The following PTDSS2 variants were observed in gnomAD, a reference collection of about 807,000 sequenced individuals.
The protein encoded by PTDSS2 is phosphatidylserine synthase 2.
Under a neutral mutation model 64.7 loss-of-function variants are expected in PTDSS2, and 41 were observed. The ratio of observed to expected loss-of-function variants is 0.63; its 90% CI spans 0.49 to 0.82. PTDSS2 has a LOEUF of 0.82. Ranked by LOEUF, PTDSS2 falls within the 40% of genes least tolerant of loss-of-function variation. The pLI is 0.00. For missense variants in PTDSS2, 485 were observed against 650.0 expected (o/e 0.75, Z 2.76); for synonymous variants, 297 against 277.8 (o/e 1.07, Z -0.69).
intron 4 of PTDSS2, among the ~76,000 whole-genome samples, chr11:483,675 A>G (rs995651345): frequency 6.6e-6 from 1 of 152,196 alleles, no homozygotes; most frequent in Non-Finnish European, 1.5e-5. Context: ...GCTGGGTCCC[A>G]GGGTGTGCCT....
chr11:478,357 G>A (rs1420522304), intron 3 of PTDSS2, among the ~76,000 whole-genome samples: 2 of 152,016 alleles, frequency 1.3e-5, no homozygotes, highest in Admixed American at 6.6e-5. Flanking sequence ...TACTCAGGAG[G>A]CTCAGGTAGG....
intron 7 of PTDSS2, 98 bp downstream of exon 7, chr11:488,410 C>T: frequency 7.5e-7 from 1 of 1,331,820 alleles, no homozygotes; most frequent in South Asian, 1.2e-5. Context: ...CTCATTCTCC[C>T]CGGGGGGCAG....
chr11:474,591 A>G (rs935884097), intron 3 of PTDSS2, among the ~76,000 whole-genome samples: 4 of 152,188 alleles, frequency 2.6e-5, no homozygotes, highest in African/African-American at 9.7e-5. Context: ...AGTTCTAACA[A>G]ACCCTCGTGG....
intron 1 of PTDSS2, among the ~76,000 whole-genome samples, chr11:450,952 C>T (rs1341987943): frequency 6.6e-6 from 1 of 151,518 alleles, no homozygotes; most frequent in Non-Finnish European, 1.5e-5. Flanking sequence ...CGCGGTTCTG[C>T]GATCCAGACC....
chr11:456,623 C>T (rs989917541), intron 1 of PTDSS2, among the ~76,000 whole-genome samples: 3 of 152,206 alleles, frequency 2.0e-5, no homozygotes, highest in Non-Finnish European at 4.4e-5. Context: ...CTGAGCCCAG[C>T]CCGTTTCCCC....
chr11:450,839 G>A (rs1846286336), intron 1 of PTDSS2, among the ~76,000 whole-genome samples: 1 of 152,242 alleles, frequency 6.6e-6, no homozygotes, highest in East Asian at 1.9e-4. Flanking sequence ...GTCGGGCGGA[G>A]GGCGGCGCTG....
Position 490,803 on chromosome 11 carries a change from TGTGTACGCGC to T in PTDSS2, c.*226_*235del, listed in dbSNP as rs1848649491. On this transcript the variant is annotated 3_prime_UTR_variant, in exon 12 of 12. Transcript: ENST00000308020. ...ACGTGTGTATGCGTGTGTGTACGCG[TGTGTACGCGC>T]GTGTGTACACATGCGTGGCCGCCTG... 6 of 577,576 alleles carry T rather than the reference TGTGTACGCGC, an allele frequency of 1.0e-5. No homozygotes were observed. The highest frequency in any genetic ancestry group is 1.8e-5 in the Non-Finnish European group (6 of 327,616). 35.8% of individuals were successfully genotyped at this position (577,576 alleles called of 1,614,324 possible). A position where few individuals can be genotyped will look rare whatever the true frequency, so the allele number is the denominator to read the frequency against.
rs549550497 is a variant in PTDSS2, at chr11:482,089, G to A, written c.435+2937G>A. On this transcript the variant is annotated intron_variant, in intron 4 of 11. Coordinates refer to ENST00000308020, the MANE Select transcript of PTDSS2 (RefSeq NM_030783.3). ...TTGAACTCCTGACCTCAGGTGATCC[G>A]CCCACCTTGGCCTCCCAAAGTGCTG... is the stretch of plus-strand genomic sequence containing the variant. 3.0e-3 allele frequency among the ~76,000 whole-genome samples: 456 copies of A among 151,844 alleles called. 2 individuals carry two copies. The highest frequency in any genetic ancestry group is 3.8e-3 in the Non-Finnish European group (259 of 67,944).
At chr11:452,307 G>A (rs1381531182) in intron 1 of PTDSS2, among the ~76,000 whole-genome samples, 1 of 152,270 alleles carries the variant, frequency 6.6e-6, no homozygotes, top group Non-Finnish European at 1.5e-5. Context: ...CTTAGATTCT[G>A]GTGCAGGCAT....
chr11:487,514 G>A (rs2133839191), intron 6 of PTDSS2, 44 bp downstream of exon 6: 3 of 1,571,488 alleles, frequency 1.9e-6, no homozygotes, highest in East Asian at 4.5e-5. Context: ...CGGTTCTGAG[G>A]CCTGCCGTGG....
At chr11:487,807 C>G (rs1039670087) in intron 6 of PTDSS2, among the ~76,000 whole-genome samples, 1 of 152,238 alleles carries the variant, frequency 6.6e-6, no homozygotes. Flanking sequence ...CTGCTTGACC[C>G]TGCAGCCCAC....
At chr11:464,596 C>T (rs1847058118) in intron 2 of PTDSS2, among the ~76,000 whole-genome samples, 2 of 152,360 alleles carry the variant, frequency 1.3e-5, no homozygotes, top group South Asian at 4.1e-4. Flanking sequence ...TCCGGCCTGG[C>T]CTCTCCCGCT....
In PTDSS2 at chr11:479,048, A is replaced by G. The variant is rs770575668; in HGVS notation, c.368-37A>G. The stretch of plus-strand genomic sequence containing the variant: ...GCTGAGCGGGGCCGTGGAGGCCTGG[A>G]CCGGGCGCACTAACGTTCTGTCGTC... On this transcript the variant is annotated intron_variant, in intron 3 of 11. Transcript: ENST00000308020. The surrounding 1 kb of genome is among the most constrained non-coding windows in gnomAD (Gnocchi z 4.2). 1 of 1,593,108 alleles carries G rather than the reference A, an allele frequency of 6.3e-7. No individual in the cohort carries two copies. Among genetic ancestry groups the G allele is most frequent in the East Asian group, 2.2e-5 (1 of 44,770 alleles).
In PTDSS2 at chr11:479,416, T is replaced by C; in HGVS notation, c.435+264T>C. 1 of 559,100 alleles carries C rather than the reference T, an allele frequency of 1.8e-6. No homozygotes were observed. Among genetic ancestry groups the C allele is most frequent in the Admixed American group, 3.1e-5 (1 of 32,578 alleles). The allele number at this position is 559,100 out of a possible 1,614,324, so 34.6% of individuals were successfully genotyped here. On this transcript the variant is annotated intron_variant, in intron 4 of 11. Coordinates refer to ENST00000308020, the MANE Select transcript of PTDSS2 (RefSeq NM_030783.3). This position sits in a 1 kb window ranked among gnomAD's most constrained non-coding sequence, Gnocchi z 4.2. ...GAGCATCTGCTGGTGGGGCGCTGAC[T>C]GTGGCCATTTAGCAGGGCCACACTT... is the stretch of plus-strand genomic sequence containing the variant.
At chr11:467,708 G>A (rs963715164) in intron 2 of PTDSS2, among the ~76,000 whole-genome samples, 4 of 152,132 alleles carry the variant, frequency 2.6e-5, no homozygotes, top group African/African-American at 4.8e-5. Flanking sequence ...ACTCCAGCCC[G>A]GGCAACAGTG....
Position 479,985 on chromosome 11 carries a change from C to T in PTDSS2, c.435+833C>T, listed in dbSNP as rs1335771629. On this transcript the variant is annotated intron_variant, in intron 4 of 11. Transcript: ENST00000308020. The surrounding 1 kb of genome is among the most constrained non-coding windows in gnomAD (Gnocchi z 4.2). ...GCAGTGTACATTCTGTGAATTTTAG[C>T]ATTTGTGTAGACTTCTAGAAACACA... 6.6e-6 allele frequency: 1 copy of T among 152,334 alleles called. No homozygotes were observed. Among genetic ancestry groups the T allele is most frequent in the East Asian group, 1.9e-4 (1 of 5,202 alleles). 9.4% of individuals were successfully genotyped at this position (152,334 alleles called of 1,614,324 possible).
chr11:450,147 G>A (rs149048307), upstream of PTDSS2: 550 of 280,588 alleles, frequency 2.0e-3, 10 homozygotes, highest in East Asian at 0.028. Flanking sequence ...CTTGGTTCCT[G>A]CGACCTCAGC....
rs1219699921 is a variant in PTDSS2, at chr11:489,667, G to A, written c.1049G>A (p.Arg350Gln). The part of the protein sequence containing the change: ...MPPEHYLVLL[R>Q]LVFFVNVGGV... ...CCGGAGCACTACCTGGTCCTCCTGC[G>A]GCTCGTCTTCTTCGTGAACGTGGGT... Residue 350 changes from arginine (R) to glutamine (Q), a missense_variant, in exon 10 of 12, where the codon CGG becomes CAG. Arg to Gln is a conservative substitution (Grantham distance 43). Coordinates refer to ENST00000308020, the MANE Select transcript of PTDSS2 (RefSeq NM_030783.3). 3.7e-6 allele frequency: 6 copies of A among 1,600,526 alleles called. No individual in the cohort carries two copies. The highest frequency in any genetic ancestry group is 1.3e-5 in the African/African-American group (1 of 74,698).
At chr11:450,761 G>A (rs771489950) in intron 1 of PTDSS2, 124 bp downstream of exon 1, 75 of 892,162 alleles carry the variant, frequency 8.4e-5, no homozygotes, top group Non-Finnish European at 1.1e-4. Context: ...TGTGGCCGGG[G>A]GTTTGAGGGT....
Sources: gnomAD v4.1 joint callset for allele counts (sites outside exome capture counted in the v4.1 genomes callset) on GRCh38, gnomAD v4.1.1 for gene constraint, Gnocchi (gnomAD v3.1) non-coding constraint, MANE v1.5 for transcripts, NCBI Gene and HGNC (gene_info 2026-07-23, HGNC 2026-07-21) for gene names.